Variants in PLCB4 observed in about 807,000 individuals in gnomAD.
PLCB4 encodes the protein phospholipase C beta 4.
PLCB4 carries 77 observed loss-of-function variants against 178.8 expected under a neutral mutation model. The ratio of observed to expected loss-of-function variants is 0.43; its 90% CI spans 0.36 to 0.52. The LOEUF is 0.52. PLCB4 is among the 20% of genes least tolerant of loss of function. PLCB4 has a pLI of 0.00. For missense variants in PLCB4, 1,024 were observed against 1,453.4 expected (o/e 0.70, Z 4.80); for synonymous variants, 496 against 490.8 (o/e 1.01, Z -0.14).
chr20:9,340,023 G>A (rs2032994220), intron 7 of PLCB4, among the ~76,000 whole-genome samples: 1 of 152,176 alleles, frequency 6.6e-6, no homozygotes, highest in Admixed American at 6.5e-5. Flanking sequence ...AGAAACATGG[G>A]TTTGGGGGAA....
chr20:9,184,268 T>G (rs748833855), intron 2 of PLCB4, among the ~76,000 whole-genome samples: 1 of 152,182 alleles, frequency 6.6e-6, no homozygotes, highest in Non-Finnish European at 1.5e-5. Flanking sequence ...TTCTTTAGCT[T>G]CTTTTATGGC....
At chr20:9,350,585 T>A (rs2148153725) in intron 7 of PLCB4, among the ~76,000 whole-genome samples, 1 of 152,044 alleles carries the variant, frequency 6.6e-6, no homozygotes, top group East Asian at 1.9e-4. Flanking sequence ...TGAGGCAGAG[T>A]CTCACTCTGT....
intron 3 of PLCB4, among the ~76,000 whole-genome samples, chr20:9,254,738 T>A (rs533201014): frequency 1.3e-5 from 2 of 152,304 alleles, no homozygotes; most frequent in East Asian, 3.9e-4. Flanking sequence ...CACATTTACA[T>A]AATTATTCTC....
intron 2 of PLCB4, among the ~76,000 whole-genome samples, chr20:9,119,459 A>G (rs922654865): frequency 6.6e-6 from 1 of 152,068 alleles, no homozygotes; most frequent in Non-Finnish European, 1.5e-5. Context: ...CATCATCACA[A>G]ATAGTTTAAT....
At chr20:9,203,754 C>T (rs1051367019) in intron 2 of PLCB4, among the ~76,000 whole-genome samples, 6 of 149,484 alleles carry the variant, frequency 4.0e-5, no homozygotes, top group East Asian at 2.0e-4. Flanking sequence ...CTCTATATTC[C>T]GAAGGCTCCA....
At chr20:9,236,757 A>C (rs1202805129) in intron 3 of PLCB4, among the ~76,000 whole-genome samples, 1 of 152,352 alleles carries the variant, frequency 6.6e-6, no homozygotes, top group East Asian at 1.9e-4. Flanking sequence ...GAAACTAACA[A>C]TGTCAGATGA....
At chr20:9,463,014 A>G (rs1486788001) in intron 35 of PLCB4, among the ~76,000 whole-genome samples, 7 of 152,220 alleles carry the variant, frequency 4.6e-5, no homozygotes. Context: ...GGGCAGCCAG[A>G]GAGAAAGGTC....
At chr20:9,180,512 A>G (rs910041124) in intron 2 of PLCB4, among the ~76,000 whole-genome samples, 8 of 152,290 alleles carry the variant, frequency 5.3e-5, no homozygotes, top group Non-Finnish European at 1.2e-4. Context: ...TTAGGGCTAC[A>G]TCTTGCCTAA....
intron 9 of PLCB4, among the ~76,000 whole-genome samples, chr20:9,368,002 A>G (rs1401813739): frequency 6.6e-6 from 1 of 152,114 alleles, no homozygotes; most frequent in Admixed American, 6.6e-5. Context: ...AAATCAGATA[A>G]CTCTATTGGT....
At chr20:9,185,292 G>A (rs2093313757) in intron 2 of PLCB4, among the ~76,000 whole-genome samples, 1 of 151,898 alleles carries the variant, frequency 6.6e-6, no homozygotes, top group African/African-American at 2.4e-5. Flanking sequence ...GTTTGACTGA[G>A]TGATAACATT....
chr20:9,153,004 A>T (rs2092716906), intron 2 of PLCB4, among the ~76,000 whole-genome samples: 1 of 152,044 alleles, frequency 6.6e-6, no homozygotes, highest in Non-Finnish European at 1.5e-5. Flanking sequence ...TGGATTTCAG[A>T]CTTGTATCGG....
Position 9,345,449 on chromosome 20 carries a change from G to A in PLCB4, c.369+6412G>A, listed in dbSNP as rs564567503. 5.9e-5 allele frequency among the ~76,000 whole-genome samples: 9 copies of A among 152,276 alleles called. No homozygotes were observed. The South Asian group carries it at 1.7e-3, about 28-fold the overall frequency. ...AAGGATTTTGGTGTCTAGCAAAGTTGAAGGCAGTTCAGATGTCTTTCATTA... is the reference window on the plus strand; with the variant it reads ...AAGGATTTTGGTGTCTAGCAAAGTTAAAGGCAGTTCAGATGTCTTTCATTA... On this transcript the variant is annotated intron_variant, in intron 7 of 39. Coordinates refer to ENST00000378473, the MANE Select transcript of PLCB4 (RefSeq NM_001377142.1).
intron 3 of PLCB4, among the ~76,000 whole-genome samples, chr20:9,239,472 C>T (rs951593846): frequency 1.3e-5 from 2 of 152,128 alleles, no homozygotes; most frequent in African/African-American, 4.8e-5. Flanking sequence ...AAAAACGTAA[C>T]AAATTTATTT....
chr20:9,278,876 T>G (rs1462535610), intron 3 of PLCB4, among the ~76,000 whole-genome samples: 1 of 152,090 alleles, frequency 6.6e-6, no homozygotes, highest in East Asian at 1.9e-4. Flanking sequence ...CTTCACTTGT[T>G]TAATAAGTAC....
At chr20:9,337,309 C>A (rs1368758699) in intron 5 of PLCB4, 103 bp downstream of exon 5, 11 of 782,676 alleles carry the variant, frequency 1.4e-5, no homozygotes, top group Non-Finnish European at 2.3e-5. Context: ...TACCCTTATT[C>A]ATTCATTCAA....
rs761898177 is a variant in PLCB4, at chr20:9,480,130, C to T, written c.*1121C>T. Reference sequence around the variant, plus strand: ...ATATTTATGCAGATTTTCAGAATTTCATATCAGGAAATGACCTTTTTATGT... The same window carrying T: ...ATATTTATGCAGATTTTCAGAATTTTATATCAGGAAATGACCTTTTTATGT... On this transcript the variant is annotated 3_prime_UTR_variant, in exon 40 of 40. Coordinates refer to ENST00000378473, the MANE Select transcript of PLCB4 (RefSeq NM_001377142.1). 2 of 152,550 alleles carry T rather than the reference C, an allele frequency of 1.3e-5. No individual in the cohort carries two copies. The highest frequency in any genetic ancestry group is 2.9e-5 in the Non-Finnish European group (2 of 68,024). 9.4% of individuals were successfully genotyped at this position (152,550 alleles called of 1,614,324 possible).
chr20:9,296,873 G>T (rs1364142354), intron 3 of PLCB4, among the ~76,000 whole-genome samples: 1 of 152,110 alleles, frequency 6.6e-6, no homozygotes, highest in African/African-American at 2.4e-5. Flanking sequence ...TTGGGGGAGG[G>T]GGAAGGGATA....
chr20:9,274,172 C>T (rs1201133523), intron 3 of PLCB4, among the ~76,000 whole-genome samples: 1 of 152,012 alleles, frequency 6.6e-6, no homozygotes, highest in Admixed American at 6.6e-5. Context: ...ATTGTTCTTA[C>T]AGTTCATTTT....
At chr20:9,461,342 T>G (rs546165270) in intron 35 of PLCB4, among the ~76,000 whole-genome samples, 1 of 152,326 alleles carries the variant, frequency 6.6e-6, no homozygotes, top group Non-Finnish European at 1.5e-5. Flanking sequence ...GCATGATCGA[T>G]GCAGAAGATG....
Sources: gnomAD v4.1 joint callset for allele counts (sites outside exome capture counted in the v4.1 genomes callset) on GRCh38, gnomAD v4.1.1 for gene constraint, MANE v1.5 for transcripts, NCBI Gene and HGNC (gene_info 2026-07-23, HGNC 2026-07-21) for gene names.